Variants in IQGAP1 observed in about 807,000 individuals in gnomAD.
IQGAP1 encodes the protein IQ motif containing GTPase activating protein 1.
A neutral mutation model predicts 215.6 loss-of-function variants in IQGAP1; 66 were observed. The observed-to-expected ratio is 0.31, with a 90% CI of 0.25 to 0.38. The LOEUF (loss-of-function observed/expected upper bound fraction) is 0.38, where lower values mean the gene tolerates loss of function less well. Ranked by LOEUF, IQGAP1 falls within the 10% of genes least tolerant of loss-of-function variation. The pLI is 1.00. For missense variants in IQGAP1, 1,712 were observed against 1,997.1 expected, an observed-to-expected ratio of 0.86 and a Z score of 2.72; for synonymous variants, 772 against 728.7, an observed-to-expected ratio of 1.06 and a Z score of -0.96.
intron 26 of IQGAP1, among the ~76,000 whole-genome samples, 176 bp downstream of exon 26, chr15:90,478,065 C>T (rs943413424): frequency 3.0e-4 from 46 of 152,228 alleles, no homozygotes; most frequent in African/African-American, 1.1e-3. Context: ...AATCTCAGCT[C>T]ACTGCAGCCT....
At chr15:90,398,544 C>T (rs959635610) in intron 2 of IQGAP1, among the ~76,000 whole-genome samples, 1 of 152,058 alleles carries the variant, frequency 6.6e-6, no homozygotes, top group Admixed American at 6.6e-5. Context: ...AGATGTTCCT[C>T]GATTTAGGAG....
intron 2 of IQGAP1, among the ~76,000 whole-genome samples, chr15:90,406,789 A>G (rs970482670): frequency 4.6e-5 from 7 of 152,354 alleles, no homozygotes; most frequent in East Asian, 1.9e-4. Flanking sequence ...ATGAAATTCA[A>G]TAGTAATAAG....
chr15:90,412,084 G>C (rs1028438807), intron 2 of IQGAP1, among the ~76,000 whole-genome samples: 1 of 152,080 alleles, frequency 6.6e-6, no homozygotes, highest in Non-Finnish European at 1.5e-5. Flanking sequence ...ATGTAATTTT[G>C]ACAAGTAGAC....
At chr15:90,482,775 T>A (rs1270444046) in intron 28 of IQGAP1, 2 of 969,732 alleles carry the variant, frequency 2.1e-6, no homozygotes, top group African/African-American at 3.5e-5. Flanking sequence ...TTCTTCTGAA[T>A]GAAACTCTAG....
intron 29 of IQGAP1, 30 bp downstream of exon 29, chr15:90,483,623 A>G: frequency 2.8e-6 from 4 of 1,452,738 alleles, no homozygotes; most frequent in Non-Finnish European, 3.8e-6. Flanking sequence ...TGCTTAAGAG[A>G]GTCTGTGGAT....
rs758427889 is a variant in IQGAP1 at position 90,482,241 on chromosome 15, A to G, written c.3515A>G (p.His1172Arg). 11 of 1,614,226 alleles carry G rather than the reference A, an allele frequency of 6.8e-6. No homozygotes were observed. Among genetic ancestry groups the G allele is most frequent in the South Asian group, 2.2e-5 (2 of 91,086 alleles). ...FIAKVLKDSL[H>R]EKFPDAGEDE... ...GCCAAAGTGCTGAAGGACTCGTTGC[A>G]TGAGAAGTTCCCTGATGCTGGTGAG... Residue 1172 changes from histidine to arginine, a missense_variant, in exon 28 of 38, where the codon CAT becomes CGT. By Grantham distance (29) the His-to-Arg change is conservative. Coordinates refer to ENST00000268182, the MANE Select transcript of IQGAP1 (RefSeq NM_003870.4).
At position 90,467,567 on chromosome 15, in the gene IQGAP1, T is replaced by C. The variant is rs1165171385; in HGVS notation, c.2153T>C (p.Met718Thr). The C allele has an allele frequency of 2.5e-6, 4 of 1,612,260 alleles. No individual in the cohort carries two copies. Among genetic ancestry groups the C allele is most frequent in the South Asian group, 1.1e-5 (1 of 90,674 alleles). ...CCTCCAAATTTTGTGCAAAATTCTA[T>C]GCAGCTTTCTCGGGAGGAGATCCAG... Reference protein sequence around the residue: ...DEPPNFVQNSMQLSREEIQSS... With the variant: ...DEPPNFVQNSTQLSREEIQSS... Residue 718 changes from methionine to threonine, a missense_variant, in exon 18 of 38, where the codon ATG (methionine) becomes ACG (threonine). Physicochemically the swap from Met to Thr is moderately conservative, Grantham distance 81 (BLOSUM62 -1). Transcript: ENST00000268182.
intron 2 of IQGAP1, among the ~76,000 whole-genome samples, chr15:90,416,936 G>A (rs1300733602): frequency 6.6e-6 from 1 of 152,062 alleles, no homozygotes; most frequent in African/African-American, 2.4e-5. Flanking sequence ...TCTCGTTGTG[G>A]TTTTGATTTG....
At position 90,484,078 on chromosome 15, in the gene IQGAP1, G is replaced by A. The variant is rs1596290254; in HGVS notation, c.3789-142G>A. ...CACTATCCCAAGGTTGTCAAGCACA[G>A]CAAACACACAGCACTTTCTCTTGAA... On this transcript the variant is annotated intron_variant, in intron 29 of 37. Coordinates refer to ENST00000268182, the MANE Select transcript of IQGAP1 (RefSeq NM_003870.4). The A allele has an allele frequency of 1.8e-5, 13 of 727,088 alleles. No individual in the cohort carries two copies. The East Asian group carries it at 2.6e-4, about 14-fold the overall frequency. The allele number at this position is 727,088 out of a possible 1,614,324, so 45.0% of individuals were successfully genotyped here. A position where few individuals can be genotyped will look rare whatever the true frequency, so the allele number is the denominator to read the frequency against.
In IQGAP1 at chr15:90,401,256, T is replaced by C. The variant is rs530491447; in HGVS notation, c.155+10383T>C. On this transcript the variant is annotated intron_variant, in intron 2 of 37. Transcript: ENST00000268182. ...ATTAAAAAAATCTTAAACATATTAA[T>C]GTTTAAGAAAGATCTGGTTAATGGT... Among the ~76,000 whole-genome samples the C allele has an allele frequency of 2.6e-5, 4 of 152,254 alleles. No individual in the cohort carries two copies. The South Asian group carries it at 8.3e-4, about 32-fold the overall frequency.
intron 15 of IQGAP1, among the ~76,000 whole-genome samples, chr15:90,458,363 A>G (rs1965715870): frequency 6.6e-6 from 1 of 152,176 alleles, no homozygotes; most frequent in South Asian, 2.1e-4. Context: ...TCGTGATTTG[A>G]TAGACACTTA....
intron 4 of IQGAP1, chr15:90,431,336 G>A (rs1293623477): frequency 1.3e-5 from 2 of 152,006 alleles, no homozygotes; most frequent in African/African-American, 4.8e-5. Flanking sequence ...CTGTGCACCT[G>A]TAATTTCCTT....
intron 17 of IQGAP1, among the ~76,000 whole-genome samples, chr15:90,466,824 G>A (rs1965839448): frequency 6.6e-6 from 1 of 152,210 alleles, no homozygotes; most frequent in Non-Finnish European, 1.5e-5. Flanking sequence ...GGGTGCGGTG[G>A]CACACGCCTG....
chr15:90,428,598 G>T (rs1965259708), intron 3 of IQGAP1, among the ~76,000 whole-genome samples: 2 of 152,002 alleles, frequency 1.3e-5, no homozygotes, highest in Non-Finnish European at 2.9e-5. Flanking sequence ...TGGGCAACAA[G>T]GTGAAACCTC....
chr15:90,427,963 G>C (rs897410176), intron 3 of IQGAP1, among the ~76,000 whole-genome samples: 1 of 152,142 alleles, frequency 6.6e-6, no homozygotes, highest in African/African-American at 2.4e-5. Flanking sequence ...AAATTCAAGG[G>C]AAAACAAGGA....
At chr15:90,467,920 C>T (rs1469179070) in intron 18 of IQGAP1, among the ~76,000 whole-genome samples, 1 of 152,236 alleles carries the variant, frequency 6.6e-6, no homozygotes, top group Non-Finnish European at 1.5e-5. Context: ...TCTCTTCTAA[C>T]TGTTCCACAA....
At position 90,448,739 on chromosome 15, in the gene IQGAP1, A is replaced by G. The variant is rs1183715430; in HGVS notation, c.1077+3A>G. ...GTGATAAACAGCAGAAGAGACAGGT[A>G]AACATAGTCTGGATTGAAGCTGCAA... On this transcript the variant is annotated splice_donor_region_variant and intron_variant, in intron 10 of 37. Coordinates refer to ENST00000268182, the MANE Select transcript of IQGAP1 (RefSeq NM_003870.4). 1 of 1,569,178 alleles carries G rather than the reference A, an allele frequency of 6.4e-7. No individual in the cohort carries two copies. Among genetic ancestry groups the G allele is most frequent in the Admixed American group, 2.0e-5 (1 of 50,584 alleles).
At chr15:90,450,085 C>T (rs1399732366) in intron 11 of IQGAP1, among the ~76,000 whole-genome samples, 1 of 152,052 alleles carries the variant, frequency 6.6e-6, no homozygotes, top group South Asian at 2.1e-4. Flanking sequence ...AACACTAGAC[C>T]TATTCCTTGT....
rs1299062917 is a variant in IQGAP1 at position 90,491,420 on chromosome 15, G to A, written c.4336G>A (p.Glu1446Lys). 5.0e-6 allele frequency: 8 copies of A among 1,613,986 alleles called. No homozygotes were observed. Among genetic ancestry groups the A allele is most frequent in the Admixed American group, 3.3e-5 (2 of 59,976 alleles). The change falls in exon 34 of 38, where the codon GAA becomes AAA. Residue 1446 changes from glutamate (E) to lysine (K), a missense_variant. Glu to Lys is a moderately conservative substitution (Grantham distance 56). Coordinates refer to ENST00000268182, the MANE Select transcript of IQGAP1 (RefSeq NM_003870.4). The stretch of plus-strand genomic sequence containing the variant: ...GATGAAAAAGTCAAAATCTGTAAAG[G>A]AAGACAGCAACCTCACTCTTCAAGA... ...DKMKKSKSVK[E>K]DSNLTLQEKK...
Sources: gnomAD v4.1 joint callset for allele counts (sites outside exome capture counted in the v4.1 genomes callset) on GRCh38, gnomAD v4.1.1 for gene constraint, MANE v1.5 for transcripts, NCBI Gene and HGNC (gene_info 2026-07-23, HGNC 2026-07-21) for gene names.